RGPD2: variants seen among roughly 807,000 people sequenced by gnomAD.
RGPD2 encodes the protein RANBP2-like and GRIP domain-containing protein 2.
RGPD2 carries 2 observed loss-of-function variants against 36.0 expected under a neutral mutation model. That is an observed-to-expected ratio of 0.06 (90% confidence interval 0.02 to 0.17). The LOEUF (loss-of-function observed/expected upper bound fraction) is 0.17, where lower values mean the gene tolerates loss of function less well. Among genes scored for constraint, RGPD2 ranks in the 10% least tolerant of loss-of-function variants. The pLI is 1.00. For missense variants in RGPD2, 40 were observed against 464.3 expected (o/e 0.09, Z 8.40); for synonymous variants, 19 against 163.8 (o/e 0.12, Z 6.75).
chr2:87,878,626 T>C, the RGPD2 span, among the ~76,000 whole-genome samples: 1 of 152,250 alleles, frequency 6.6e-6, no homozygotes, highest in African/African-American at 2.4e-5. Context: ...AGATATACAA[T>C]ACATTATTAT....
At chr2:87,934,528 A>G in the RGPD2 span, among the ~76,000 whole-genome samples, 1 of 149,222 alleles carries the variant, frequency 6.7e-6, no homozygotes, top group Non-Finnish European at 1.5e-5. Context: ...TGGACTTGTT[A>G]CAATACATTT....
At chr2:87,846,619 A>G in the RGPD2 span, among the ~76,000 whole-genome samples, 4 of 152,168 alleles carry the variant, frequency 2.6e-5, no homozygotes, top group Non-Finnish European at 4.4e-5. Flanking sequence ...GAACGCTATG[A>G]GCATACGTGC....
chr2:87,923,453 T>C, the RGPD2 span, among the ~76,000 whole-genome samples: 2 of 152,240 alleles, frequency 1.3e-5, no homozygotes, highest in African/African-American at 4.8e-5. Context: ...TTTTATACTG[T>C]GATAGTTACA....
At chr2:87,849,475 A>G in the RGPD2 span, among the ~76,000 whole-genome samples, 3 of 152,064 alleles carry the variant, frequency 2.0e-5, no homozygotes, top group Non-Finnish European at 4.4e-5. Flanking sequence ...TTTTTCCAAA[A>G]CATTATCATA....
In RGPD2 at chr2:87,806,676, CCTA is replaced by C. The variant is rs1236779320; in HGVS notation, c.975+17_975+19del. On this transcript the variant is annotated intron_variant, in intron 7 of 22. Transcript: ENST00000398146. Reference sequence around the variant, plus strand: ...AAGACTCCGTGAAATGTCAATTGCTCCTACAAGTGGAAGACTTACCTGAAATGC... The same window carrying C: ...AAGACTCCGTGAAATGTCAATTGCTCCAAGTGGAAGACTTACCTGAAATGC... 2.6e-5 allele frequency: 1 copy of C among 38,330 alleles called. No individual in the cohort carries two copies. The highest frequency in any genetic ancestry group is 6.7e-4 in the East Asian group (1 of 1,502). 2.4% of individuals were successfully genotyped at this position (38,330 alleles called of 1,614,324 possible). A position where few individuals can be genotyped will look rare whatever the true frequency, so the allele number is the denominator to read the frequency against.
the RGPD2 span, among the ~76,000 whole-genome samples, chr2:87,972,345 C>T: frequency 1.8e-4 from 22 of 122,576 alleles, no homozygotes; most frequent in Admixed American, 1.8e-3. Flanking sequence ...GTTGTTATCT[C>T]ATGATCTTGT....
At chr2:87,947,882 A>G in the RGPD2 span, among the ~76,000 whole-genome samples, 589 of 152,284 alleles carry the variant, frequency 3.9e-3, no homozygotes, top group Middle Eastern at 0.014. Context: ...TCCTGCCTTA[A>G]AGAGTTTAAA....
the RGPD2 span, among the ~76,000 whole-genome samples, chr2:87,913,204 T>C: frequency 3.3e-4 from 50 of 152,120 alleles, no homozygotes; most frequent in African/African-American, 1.2e-3. Flanking sequence ...CATGGAATAC[T>C]ATGCAGCCAT....
chr2:87,815,116 T>C (rs1558734864), intron 4 of RGPD2, among the ~76,000 whole-genome samples: 1 of 145,648 alleles, frequency 6.9e-6, no homozygotes, highest in Non-Finnish European at 1.5e-5. Context: ...AGTGGTGGTA[T>C]GAATCTACAC....
chr2:87,921,613 GTA>G, the RGPD2 span, among the ~76,000 whole-genome samples: 3 of 152,284 alleles, frequency 2.0e-5, no homozygotes, highest in South Asian at 6.2e-4. Flanking sequence ...CAGGACCATT[GTA>G]TATGGTATCC....
chr2:87,879,358 T>C, the RGPD2 span, among the ~76,000 whole-genome samples: 3 of 152,234 alleles, frequency 2.0e-5, no homozygotes, highest in South Asian at 4.1e-4. Context: ...ACCACAGTCA[T>C]GCCGTTTTCC....
the RGPD2 span, among the ~76,000 whole-genome samples, chr2:87,958,914 CCTAA>C: frequency 2.1e-5 from 3 of 144,306 alleles, no homozygotes; most frequent in Non-Finnish European, 3.0e-5. Flanking sequence ...GTTTCCTAAG[CCTAA>C]CTGTGTACCA....
chr2:87,824,812 C>A (rs1686602171), intron 1 of RGPD2: 1 of 115,472 alleles, frequency 8.7e-6, no homozygotes, highest in South Asian at 2.8e-4. Flanking sequence ...CCGCCGCCGC[C>A]CGGCCAGGCC....
chr2:87,841,279 C>T, the RGPD2 span, among the ~76,000 whole-genome samples: 1 of 151,944 alleles, frequency 6.6e-6, no homozygotes. Context: ...CTTCACCTTT[C>T]ACCATGAGTG....
intron 1 of RGPD2, among the ~76,000 whole-genome samples, chr2:87,825,358 G>A (rs1249189016): frequency 6.8e-6 from 1 of 146,802 alleles, no homozygotes; most frequent in South Asian, 2.1e-4. Flanking sequence ...TAATCTTCTC[G>A]GGCTCCTACG....
the RGPD2 span, among the ~76,000 whole-genome samples, chr2:87,882,885 T>A: frequency 6.6e-6 from 1 of 152,058 alleles, no homozygotes; most frequent in East Asian, 1.9e-4. Flanking sequence ...TTCTGGTGAG[T>A]TAATTGTTAG....
the RGPD2 span, among the ~76,000 whole-genome samples, chr2:87,873,404 T>C: frequency 1.4e-5 from 2 of 145,436 alleles, no homozygotes; most frequent in South Asian, 2.2e-4. Flanking sequence ...TCTAGATCTT[T>C]GAGGAATTGA....
chr2:87,826,214 A>G (rs1457937722), upstream of RGPD2, among the ~76,000 whole-genome samples: 2 of 152,116 alleles, frequency 1.3e-5, no homozygotes, highest in African/African-American at 4.8e-5. Context: ...AGTAAATGGC[A>G]TAATTGAAAT....
chr2:87,961,612 G>C, the RGPD2 span, among the ~76,000 whole-genome samples: 1 of 146,534 alleles, frequency 6.8e-6, no homozygotes, highest in African/African-American at 2.5e-5. Flanking sequence ...TGAGGCACGA[G>C]AATCGCTTGA....
Sources: allele counts gnomAD v4.1 joint callset (sites outside exome capture counted in the v4.1 genomes callset), GRCh38; gene constraint gnomAD v4.1.1; transcripts MANE v1.5; gene names NCBI Gene and HGNC (gene_info 2026-07-23, HGNC 2026-07-21).